Variants in CNTN4 observed in about 807,000 individuals in gnomAD.
CNTN4 encodes the protein contactin 4.
A neutral mutation model predicts 122.5 loss-of-function variants in CNTN4; 77 were observed. The observed-to-expected ratio is 0.63, with a 90% CI of 0.52 to 0.76. The LOEUF is 0.76. CNTN4 is among the 30% of genes least tolerant of loss of function. The pLI is 0.00. For synonymous variants in CNTN4, 512 were observed against 447.0 expected (o/e 1.15, Z -1.83); for missense variants, 1,256 against 1,259.1 (o/e 1.00, Z 0.04).
chr3:2,591,758 C>A (rs2080505043), intron 4 of CNTN4, among the ~76,000 whole-genome samples: 1 of 152,246 alleles, frequency 6.6e-6, no homozygotes, highest in Non-Finnish European at 1.5e-5. Flanking sequence ...AAAATGAGAT[C>A]CCAACTTGTC....
intron 6 of CNTN4, among the ~76,000 whole-genome samples, chr3:2,801,101 G>A (rs1422664560): frequency 2.0e-5 from 3 of 152,162 alleles, no homozygotes; most frequent in African/African-American, 4.8e-5. Flanking sequence ...CTGATCAGAT[G>A]TAAGTTCCAC....
chr3:2,934,333 T>C (rs2094549734), intron 13 of CNTN4, among the ~76,000 whole-genome samples: 1 of 152,278 alleles, frequency 6.6e-6, no homozygotes, highest in South Asian at 2.1e-4. Context: ...ATGTGTCTTG[T>C]CTATAGACAC....
At chr3:2,193,331 C>T (rs1392349382) in intron 2 of CNTN4, among the ~76,000 whole-genome samples, 3 of 151,438 alleles carry the variant, frequency 2.0e-5, no homozygotes, top group African/African-American at 4.9e-5. Flanking sequence ...AAAATACCTT[C>T]TAACTTTGAA....
At chr3:2,824,034 C>T (rs1035816698) in intron 7 of CNTN4, among the ~76,000 whole-genome samples, 43 of 152,220 alleles carry the variant, frequency 2.8e-4, no homozygotes, top group African/African-American at 8.7e-4. Flanking sequence ...GCACACCCCA[C>T]CTCTGGGCAG....
intron 14 of CNTN4, among the ~76,000 whole-genome samples, chr3:2,994,594 C>CATATAAATATATATATATAT (rs1695351030): frequency 6.9e-6 from 1 of 144,610 alleles, no homozygotes; most frequent in Non-Finnish European, 1.5e-5. Flanking sequence ...CAGATTTTTT[C>CATATAAATATATATATATAT]ATATATATAT....
intron 4 of CNTN4, among the ~76,000 whole-genome samples, chr3:2,588,088 G>T (rs1175559244): frequency 6.6e-6 from 1 of 150,852 alleles, no homozygotes; most frequent in East Asian, 1.9e-4. Context: ...TTTTTTACTT[G>T]AAGGAACTTT....
chr3:3,029,168 A>G (rs143950032), intron 15 of CNTN4, among the ~76,000 whole-genome samples: 9 of 152,330 alleles, frequency 5.9e-5, no homozygotes, highest in Non-Finnish European at 8.8e-5. Context: ...TGAGAAGCCA[A>G]GTGTTACAAA....
intron 3 of CNTN4, among the ~76,000 whole-genome samples, chr3:2,429,309 C>T (rs937764908): frequency 6.6e-6 from 1 of 152,156 alleles, no homozygotes; most frequent in African/African-American, 2.4e-5. Context: ...CAGTCAGGAC[C>T]CTCAGCTGCA....
At chr3:2,531,647 A>T (rs1278169608) in intron 3 of CNTN4, among the ~76,000 whole-genome samples, 1 of 152,142 alleles carries the variant, frequency 6.6e-6, no homozygotes, top group Non-Finnish European at 1.5e-5. Context: ...CATTAAACAG[A>T]AAGTAGTGAC....
chr3:2,788,853 A>G (rs1027540216), intron 6 of CNTN4, among the ~76,000 whole-genome samples: 10 of 152,226 alleles, frequency 6.6e-5, no homozygotes, highest in Non-Finnish European at 8.8e-5. Flanking sequence ...TTAAGAAATG[A>G]CAAGAAAAAT....
chr3:2,818,054 C>T (rs1033217595), intron 6 of CNTN4, among the ~76,000 whole-genome samples: 4 of 152,086 alleles, frequency 2.6e-5, no homozygotes, highest in Non-Finnish European at 5.9e-5. Flanking sequence ...TTTTCACAGC[C>T]CAAACCTGGC....
chr3:2,643,133 C>T (rs953231063), intron 4 of CNTN4, among the ~76,000 whole-genome samples: 2 of 152,148 alleles, frequency 1.3e-5, no homozygotes, highest in African/African-American at 2.4e-5. Context: ...AATCTCTTCT[C>T]AAGTGATCTC....
intron 2 of CNTN4, among the ~76,000 whole-genome samples, chr3:2,192,400 T>A (rs544890205): frequency 6.6e-6 from 1 of 152,314 alleles, no homozygotes; most frequent in Admixed American, 6.5e-5. Flanking sequence ...TGTTGTTTCC[T>A]GACTTTTTAA....
At chr3:2,610,095 T>C (rs2081418044) in intron 4 of CNTN4, among the ~76,000 whole-genome samples, 1 of 152,162 alleles carries the variant, frequency 6.6e-6, no homozygotes. Context: ...TACAAGTAAA[T>C]ACAAAATGCC....
At chr3:2,994,613 A>ATATATATATATATATATATATATGTG (rs370506181) in intron 14 of CNTN4, among the ~76,000 whole-genome samples, 7 of 142,220 alleles carry the variant, frequency 4.9e-5, no homozygotes, top group African/African-American at 1.8e-4. Context: ...ATATATATAT[A>ATATATATATATATATATATATATGTG]TGTGTGTATA....
At position 2,971,819 on chromosome 3, in the gene CNTN4, G is replaced by A. The variant is rs191143825; in HGVS notation, c.1359-16526G>A. 8.5e-5 allele frequency among the ~76,000 whole-genome samples: 13 copies of A among 152,260 alleles called. No individual in the cohort carries two copies. In the East Asian group the frequency reaches 2.5e-3, roughly 29 times the overall value. On this transcript the variant is annotated intron_variant, in intron 13 of 24. Transcript: ENST00000418658. ...TCTTTCTTCCACTTAACTGCAATGT[G>A]ACTATGAAGATGCTGTAAACATTTG...
intron 2 of CNTN4, among the ~76,000 whole-genome samples, chr3:2,202,996 T>A (rs2038170444): frequency 6.6e-6 from 1 of 151,410 alleles, no homozygotes; most frequent in African/African-American, 2.4e-5. Flanking sequence ...TAATTATTTT[T>A]TTTTTTTTTG....
chr3:2,536,291 C>T (rs527459871), intron 3 of CNTN4, among the ~76,000 whole-genome samples: 4 of 152,264 alleles, frequency 2.6e-5, no homozygotes, highest in South Asian at 2.1e-4. Context: ...TGCATTCTTT[C>T]GTCCCAGTTT....
intron 17 of CNTN4, among the ~76,000 whole-genome samples, chr3:3,035,113 G>C (rs1559814500): frequency 6.6e-6 from 1 of 151,942 alleles, no homozygotes. Context: ...TTCCAGACCA[G>C]CCTGGGCAAC....
Sources: allele counts gnomAD v4.1 joint callset (sites outside exome capture counted in the v4.1 genomes callset), GRCh38; gene constraint gnomAD v4.1.1; transcripts MANE v1.5; gene names NCBI Gene and HGNC (gene_info 2026-07-23, HGNC 2026-07-21).